PGM2L1: variants seen among roughly 807,000 people sequenced by gnomAD.
The protein encoded by PGM2L1 is phosphoglucomutase 2 like 1.
In PGM2L1, 35 loss-of-function variants were observed where a neutral mutation model predicts 73.4. The ratio of observed to expected loss-of-function variants is 0.48; its 90% CI spans 0.36 to 0.63. PGM2L1 has a LOEUF of 0.63. Ranked by LOEUF, PGM2L1 falls within the 30% of genes least tolerant of loss-of-function variation. PGM2L1 has a pLI of 0.00. For missense variants in PGM2L1, 570 were observed against 742.0 expected (o/e 0.77, Z 2.69); for synonymous variants, 225 against 253.8 (o/e 0.89, Z 1.08).
At chr11:74,370,373 C>A (rs934644264) in intron 4 of PGM2L1, among the ~76,000 whole-genome samples, 2 of 152,128 alleles carry the variant, frequency 1.3e-5, no homozygotes, top group African/African-American at 4.8e-5. Flanking sequence ...TTCCTTAATC[C>A]ATGAATAGTT....
At position 74,342,874 on chromosome 11, in the gene PGM2L1, G is replaced by C; in HGVS notation, c.1442+11C>G. 2 of 1,582,958 alleles carry C rather than the reference G, an allele frequency of 1.3e-6. No individual in the cohort carries two copies. The highest frequency in any genetic ancestry group is 8.6e-7 in the Non-Finnish European group (1 of 1,169,010). ...AATCTAGCATGTGAAATTCATAATAGTAGAACTTACTTTTCATAAACCTTA... is the reference window on the plus strand; with the variant it reads ...AATCTAGCATGTGAAATTCATAATACTAGAACTTACTTTTCATAAACCTTA... On this transcript the variant is annotated intron_variant, in intron 11 of 13. Coordinates refer to ENST00000298198, the MANE Select transcript of PGM2L1 (RefSeq NM_173582.6).
chr11:74,356,462 AAG>A (rs1862457515), intron 5 of PGM2L1, among the ~76,000 whole-genome samples: 1 of 152,232 alleles, frequency 6.6e-6, no homozygotes, highest in Non-Finnish European at 1.5e-5. Flanking sequence ...AAGAATCTAA[AAG>A]AAGTCTTGAA....
At position 74,336,554 on chromosome 11, in the gene PGM2L1, G is replaced by T; in HGVS notation, c.*98C>A. The T allele has an allele frequency of 1.5e-6, 1 of 657,630 alleles. No individual in the cohort carries two copies. The highest frequency in any genetic ancestry group is 2.4e-6 in the Non-Finnish European group (1 of 411,958). 40.7% of individuals were successfully genotyped at this position (657,630 alleles called of 1,614,324 possible). On this transcript the variant is annotated 3_prime_UTR_variant, in exon 14 of 14. Coordinates refer to ENST00000298198, the MANE Select transcript of PGM2L1 (RefSeq NM_173582.6). ...AAAGGAAAAAGATACTCGGCCAGAT[G>T]AGATAGAGAGAGAATGCTAACACAA...
chr11:74,398,317 C>T lies in PGM2L1; in HGVS notation c.-156G>A. On this transcript the variant is annotated 5_prime_UTR_variant, in exon 1 of 14. Coordinates refer to ENST00000298198, the MANE Select transcript of PGM2L1 (RefSeq NM_173582.6). Reference sequence around the variant, plus strand: ...GTGTTCGTAACAGCTCCTGCCGCGGCGTCAGGGAACCGGGAGAGAGGGGGT... The same window carrying T: ...GTGTTCGTAACAGCTCCTGCCGCGGTGTCAGGGAACCGGGAGAGAGGGGGT... 1 of 1,184,630 alleles carries T rather than the reference C, an allele frequency of 8.4e-7. No homozygotes were observed. Among genetic ancestry groups the T allele is most frequent in the Non-Finnish European group, 1.1e-6 (1 of 904,614 alleles). 73.4% of individuals were successfully genotyped at this position (1,184,630 alleles called of 1,614,324 possible). A position where few individuals can be genotyped will look rare whatever the true frequency, so the allele number is the denominator to read the frequency against.
At chr11:74,374,985 T>C (rs1365230897) in intron 1 of PGM2L1, among the ~76,000 whole-genome samples, 2 of 152,138 alleles carry the variant, frequency 1.3e-5, no homozygotes, top group Non-Finnish European at 2.9e-5. Flanking sequence ...CTCAGCCTCT[T>C]GAGTAGCTGG....
At chr11:74,338,958 A>G (rs926271766) in intron 12 of PGM2L1, among the ~76,000 whole-genome samples, 19 of 152,226 alleles carry the variant, frequency 1.2e-4, no homozygotes, top group African/African-American at 4.6e-4. Flanking sequence ...GAATTATAAA[A>G]TACAAATGAA....
chr11:74,369,214 TCACA>T (rs1028324048), intron 4 of PGM2L1, among the ~76,000 whole-genome samples: 1 of 152,142 alleles, frequency 6.6e-6, no homozygotes, highest in African/African-American at 2.4e-5. Flanking sequence ...TACTTAGCGC[TCACA>T]CAAACTGCAA....
intron 5 of PGM2L1, among the ~76,000 whole-genome samples, chr11:74,357,044 TCA>T (rs1339148233): frequency 1.3e-5 from 2 of 152,128 alleles, no homozygotes; most frequent in Non-Finnish European, 2.9e-5. Flanking sequence ...AGATGGGGTT[TCA>T]CCATGTTAAC....
chr11:74,368,762 C>T (rs898507328), intron 4 of PGM2L1, among the ~76,000 whole-genome samples, 187 bp from the exon 5 acceptor site: 1 of 151,986 alleles, frequency 6.6e-6, no homozygotes. Context: ...CTTCCTTTTA[C>T]TTTTTTGGAT....
chr11:74,376,524 GTATA>G (rs1480479559), intron 1 of PGM2L1, among the ~76,000 whole-genome samples: 2 of 150,274 alleles, frequency 1.3e-5, no homozygotes, highest in Non-Finnish European at 3.0e-5. Flanking sequence ...TATACAGTAT[GTATA>G]TATGTATATA....
chr11:74,383,764 A>C (rs994056986), intron 1 of PGM2L1, among the ~76,000 whole-genome samples: 2 of 149,122 alleles, frequency 1.3e-5, no homozygotes, highest in African/African-American at 5.0e-5. Flanking sequence ...ATGTCCTTAC[A>C]AAGAACATGA....
chr11:74,344,300 G>A (rs1484055071), intron 9 of PGM2L1, among the ~76,000 whole-genome samples: 2 of 152,158 alleles, frequency 1.3e-5, no homozygotes, highest in Non-Finnish European at 2.9e-5. Context: ...GAAAGGTCAT[G>A]AAGCTTTTTA....
intron 10 of PGM2L1, 136 bp from the exon 11 acceptor site, chr11:74,343,150 G>A: frequency 7.5e-7 from 1 of 1,340,490 alleles, no homozygotes; most frequent in Non-Finnish European, 1.0e-6. Context: ...AGTGTATTTA[G>A]GGGACACTTT....
At position 74,338,507 on chromosome 11, in the gene PGM2L1, A is replaced by G. The variant is rs750208341; in HGVS notation, c.1727T>C (p.Ile576Thr). 1 of 1,604,936 alleles carries G rather than the reference A, an allele frequency of 6.2e-7. No homozygotes were observed. Among genetic ancestry groups the G allele is most frequent in the Non-Finnish European group, 8.5e-7 (1 of 1,173,032 alleles). ...CGCACACATCTCTGCATAATACTTTATCTTTGGTTCTGTTCCACTTGTCCG... is the reference window on the plus strand; with the variant it reads ...CGCACACATCTCTGCATAATACTTTGTCTTTGGTTCTGTTCCACTTGTCCG... ...TLRTSGTEPK[I>T]KYYAEMCASP... is the part of the protein sequence containing the mutation. Residue 576 changes from isoleucine (I) to threonine (T), a missense_variant, in exon 13 of 14, where the codon ATA becomes ACA. Transcript: ENST00000298198.
chr11:74,374,152 C>T (rs1436988328), intron 2 of PGM2L1, among the ~76,000 whole-genome samples: 1 of 151,492 alleles, frequency 6.6e-6, no homozygotes, highest in African/African-American at 2.4e-5. Context: ...GGCGCGATCT[C>T]GGCTCACTGC....
chr11:74,364,741 C>T (rs1246798881), intron 5 of PGM2L1, among the ~76,000 whole-genome samples: 3 of 152,196 alleles, frequency 2.0e-5, no homozygotes, highest in Admixed American at 6.5e-5. Flanking sequence ...AAGAACATTC[C>T]ATGCTCATGG....
intron 12 of PGM2L1, among the ~76,000 whole-genome samples, chr11:74,341,651 C>G (rs548720345): frequency 2.0e-4 from 29 of 143,018 alleles, no homozygotes; most frequent in Admixed American, 1.7e-3. Context: ...GAGATCATGC[C>G]ACTGCACTCC....
At position 74,351,455 on chromosome 11, in the gene PGM2L1, G is replaced by A. The variant is rs149979479; in HGVS notation, c.677C>T (p.Pro226Leu). Residue 226 changes from proline to leucine, a missense_variant, in exon 6 of 14, where the codon CCG becomes CTG. Coordinates refer to ENST00000298198, the MANE Select transcript of PGM2L1 (RefSeq NM_173582.6). ...GTCCTGCAGAGGGTCTCTCTTCAGCGGGCTGGTATCCACTAAATTATCATT... is the reference window on the plus strand; with the variant it reads ...GTCCTGCAGAGGGTCTCTCTTCAGCAGGCTGGTATCCACTAAATTATCATT... ...SWNDNLVDTS[P>L]LKRDPLQDIC... is the part of the protein sequence containing the mutation. 563 of 1,613,934 alleles carry A rather than the reference G, an allele frequency of 3.5e-4. 1 individual carries two copies. In the African/African-American group the frequency reaches 6.3e-3, roughly 18 times the overall value.
At chr11:74,381,287 G>A (rs1862938809) in intron 1 of PGM2L1, among the ~76,000 whole-genome samples, 1 of 152,056 alleles carries the variant, frequency 6.6e-6, no homozygotes, top group African/African-American at 2.4e-5. Flanking sequence ...GTGGTCACTG[G>A]ATATGAAAGA....
Sources: allele counts gnomAD v4.1 joint callset (sites outside exome capture counted in the v4.1 genomes callset), GRCh38; gene constraint gnomAD v4.1.1; transcripts MANE v1.5; gene names NCBI Gene and HGNC (gene_info 2026-07-23, HGNC 2026-07-21).